Variants in COL11A1 observed in about 807,000 individuals in gnomAD.
The protein encoded by COL11A1 is collagen type XI alpha 1 chain, also known as collagen alpha-1(XI) chain.
Under a neutral mutation model 265.2 loss-of-function variants are expected in COL11A1, and 74 were observed. The observed-to-expected ratio is 0.28, with a 90% confidence interval of 0.23 to 0.34. COL11A1 has a LOEUF of 0.34. Among genes scored for constraint, COL11A1 ranks in the 10% least tolerant of loss-of-function variants. The pLI, the probability that COL11A1 is intolerant of heterozygous loss-of-function variation, is 1.00. For synonymous variants in COL11A1, 816 were observed against 727.6 expected (o/e 1.12, Z -1.96); for missense variants, 2,165 against 2,263.6 (o/e 0.96, Z 0.88).
chr1:103,028,671 CATA>C (rs1667751396), intron 5 of COL11A1, among the ~76,000 whole-genome samples: 1 of 152,088 alleles, frequency 6.6e-6, no homozygotes, highest in South Asian at 2.1e-4. Context: ...CCAGAAATGT[CATA>C]ATGTCTGTTC....
intron 38 of COL11A1, among the ~76,000 whole-genome samples, chr1:102,964,608 GTGTA>G (rs1385591515): frequency 1.1e-4 from 17 of 151,756 alleles, no homozygotes; most frequent in Admixed American, 5.9e-4. Context: ...GTGTGTGTGT[GTGTA>G]TGTGTTTGGA....
At chr1:103,096,901 T>C (rs1673818997) in intron 1 of COL11A1, among the ~76,000 whole-genome samples, 1 of 152,074 alleles carries the variant, frequency 6.6e-6, no homozygotes, top group African/African-American at 2.4e-5. Context: ...TGTTTTTGTC[T>C]TATAGCAGAT....
At chr1:102,880,757 CT>C (rs1460164555) in intron 65 of COL11A1, among the ~76,000 whole-genome samples, 1 of 151,722 alleles carries the variant, frequency 6.6e-6, no homozygotes, top group Non-Finnish European at 1.5e-5. Flanking sequence ...TTATTTGTTA[CT>C]TTCTTCCTTA....
chr1:103,068,528 G>A (rs1316692938), intron 4 of COL11A1, among the ~76,000 whole-genome samples: 1 of 150,920 alleles, frequency 6.6e-6, no homozygotes, highest in Non-Finnish European at 1.5e-5. Flanking sequence ...TCCACATGAG[G>A]TCAGAAAAAA....
intron 4 of COL11A1, among the ~76,000 whole-genome samples, chr1:103,060,994 A>G (rs1670634136): frequency 6.6e-6 from 1 of 152,190 alleles, no homozygotes; most frequent in Non-Finnish European, 1.5e-5. Flanking sequence ...CCAAGGCTCA[A>G]TTACATGTTG....
In COL11A1 at chr1:103,082,905, C is replaced by T. The variant is rs530441485; in HGVS notation, c.174G>A (p.Thr58=). The change falls in exon 2 of 67, where the codon ACG becomes ACA. Residue 58 remains threonine (T), a synonymous_variant. Transcript: ENST00000370096. ...HNSPEGISKT[T]GFCTNRKNSK... ...AATTCTTTCTGTTTGTGCAAAATCCCGTTGTTTTTGATATTCCCTCTGGAG... is the reference window on the plus strand; with the variant it reads ...AATTCTTTCTGTTTGTGCAAAATCCTGTTGTTTTTGATATTCCCTCTGGAG... 9.9e-6 allele frequency: 16 copies of T among 1,613,430 alleles called. No homozygotes were observed. The highest frequency in any genetic ancestry group is 2.2e-5 in the South Asian group (2 of 91,040).
chr1:102,995,359 A>C (rs1006742471), intron 28 of COL11A1, among the ~76,000 whole-genome samples: 5 of 152,044 alleles, frequency 3.3e-5, no homozygotes, highest in African/African-American at 7.2e-5. Context: ...TGTAATTTTT[A>C]TCTCTCTCAT....
intron 54 of COL11A1, among the ~76,000 whole-genome samples, chr1:102,910,721 T>C (rs1171809946): frequency 1.3e-5 from 2 of 152,056 alleles, no homozygotes; most frequent in East Asian, 1.9e-4. Flanking sequence ...AACCCAACAC[T>C]AGGGTGGGTG....
At chr1:103,021,903 A>C in intron 8 of COL11A1, 134 bp from the exon 9 acceptor site, 2 of 695,598 alleles carry the variant, frequency 2.9e-6, no homozygotes, top group Non-Finnish European at 5.0e-6. Context: ...GTTAGAGTGC[A>C]GTGGCTCGAT....
At chr1:102,930,818 T>G (rs1007884156) in intron 46 of COL11A1, among the ~76,000 whole-genome samples, 11 of 151,324 alleles carry the variant, frequency 7.3e-5, no homozygotes, top group Non-Finnish European at 1.0e-4. Flanking sequence ...GGTTTAGTCT[T>G]GGGAGAGTGT....
intron 44 of COL11A1, among the ~76,000 whole-genome samples, chr1:102,938,036 A>C (rs1327107382): frequency 6.6e-6 from 1 of 152,208 alleles, no homozygotes; most frequent in Non-Finnish European, 1.5e-5. Flanking sequence ...TTATGCATTA[A>C]ATACTACAAT....
At chr1:102,900,426 G>T (rs1653037750) in intron 54 of COL11A1, among the ~76,000 whole-genome samples, 2 of 152,020 alleles carry the variant, frequency 1.3e-5, no homozygotes, top group Admixed American at 1.3e-4. Flanking sequence ...CATATGCAAA[G>T]TAGATACAAC....
At chr1:102,933,709 T>G (rs1016307155) in intron 46 of COL11A1, among the ~76,000 whole-genome samples, 10 of 152,140 alleles carry the variant, frequency 6.6e-5, no homozygotes, top group Non-Finnish European at 1.2e-4. Context: ...CCTTGCAGTT[T>G]GATCTCAGAC....
chr1:102,997,050 G>A (rs1471911903), intron 26 of COL11A1, 30 bp downstream of exon 26: 2 of 1,591,284 alleles, frequency 1.3e-6, no homozygotes, highest in East Asian at 2.2e-5. Context: ...TTTATTAATA[G>A]GACATTTAAA....
intron 39 of COL11A1, 44 bp downstream of exon 39, chr1:102,962,598 GTTAAACATAAA>G (rs1431107512): frequency 6.8e-7 from 1 of 1,465,758 alleles, no homozygotes; most frequent in Admixed American, 1.7e-5. Flanking sequence ...GGTGAGTATA[GTTAAACATAAA>G]TTAAAGTTTT....
chr1:103,058,709 A>G (rs2102182919), intron 4 of COL11A1, among the ~76,000 whole-genome samples: 1 of 152,332 alleles, frequency 6.6e-6, no homozygotes, highest in South Asian at 2.1e-4. Context: ...ATTTGAGAAT[A>G]GCTGGTCAGT....
At chr1:103,103,515 A>C (rs2102428335) in intron 1 of COL11A1, among the ~76,000 whole-genome samples, 1 of 152,060 alleles carries the variant, frequency 6.6e-6, no homozygotes, top group South Asian at 2.1e-4. Context: ...CTTTCTTCAA[A>C]GGTAGTAAAT....
At chr1:103,074,442 C>T (rs867690174) in intron 4 of COL11A1, among the ~76,000 whole-genome samples, 176 bp downstream of exon 4, 1 of 152,216 alleles carries the variant, frequency 6.6e-6, no homozygotes, top group Middle Eastern at 3.4e-3. Flanking sequence ...TCTGGTCATT[C>T]TCTTACTGAA....
intron 20 of COL11A1, among the ~76,000 whole-genome samples, chr1:103,003,692 C>T (rs1665339576): frequency 6.6e-6 from 1 of 152,132 alleles, no homozygotes. Flanking sequence ...CTTAAGACAG[C>T]ATTCACTGAG....
Sources: allele counts gnomAD v4.1 joint callset (sites outside exome capture counted in the v4.1 genomes callset), GRCh38; gene constraint gnomAD v4.1.1; transcripts MANE v1.5; gene names NCBI Gene and HGNC (gene_info 2026-07-23, HGNC 2026-07-21).